MTOR: variants seen among roughly 807,000 people sequenced by gnomAD.
MTOR encodes the protein mechanistic target of rapamycin kinase.
A neutral mutation model predicts 319.8 loss-of-function variants in MTOR; 70 were observed. The observed-to-expected ratio is 0.22, with a 90% CI of 0.18 to 0.27. The LOEUF (loss-of-function observed/expected upper bound fraction) is 0.27. Among genes scored for constraint, MTOR ranks in the 10% least tolerant of loss-of-function variants. The pLI, the probability that MTOR is intolerant of heterozygous loss-of-function variation, is 1.00. For missense variants in MTOR, 1,890 were observed against 3,274.4 expected (o/e 0.58, Z 10.32); for synonymous variants, 1,183 against 1,211.4 (o/e 0.98, Z 0.49).
At chr1:11,159,522 T>C (rs949779484) in intron 29 of MTOR, among the ~76,000 whole-genome samples, 1 of 151,978 alleles carries the variant, frequency 6.6e-6, no homozygotes, top group Non-Finnish European at 1.5e-5. Flanking sequence ...ATGCCTGTAA[T>C]CCCAGCTTCT....
At chr1:11,166,600 G>A (rs555584923) in intron 29 of MTOR, among the ~76,000 whole-genome samples, 559 of 152,348 alleles carry the variant, frequency 3.7e-3, no homozygotes, top group African/African-American at 0.013. Context: ...AACAACAGGT[G>A]CTGGAGAGGA....
chr1:11,167,254 A>G (rs992023371), intron 29 of MTOR, among the ~76,000 whole-genome samples, 188 bp downstream of exon 29: 4 of 152,030 alleles, frequency 2.6e-5, no homozygotes, highest in Non-Finnish European at 5.9e-5. Flanking sequence ...TTAAAAAAAA[A>G]AAAGAAAGAA....
intron 6 of MTOR, among the ~76,000 whole-genome samples, chr1:11,248,391 A>G (rs995142583): frequency 1.4e-4 from 22 of 152,208 alleles, no homozygotes; most frequent in African/African-American, 5.3e-4. Flanking sequence ...GGAAGGGCTG[A>G]CTTGCATACT....
At chr1:11,251,261 C>G (rs1360582779) in intron 6 of MTOR, among the ~76,000 whole-genome samples, 1 of 152,178 alleles carries the variant, frequency 6.6e-6, no homozygotes, top group Non-Finnish European at 1.5e-5. Flanking sequence ...GCAGTATTTG[C>G]TGCTCCTCTA....
chr1:11,217,369 AAAT>A (rs1414520068), intron 19 of MTOR, among the ~76,000 whole-genome samples: 1 of 152,060 alleles, frequency 6.6e-6, no homozygotes, highest in African/African-American at 2.4e-5. Flanking sequence ...AATAAGTAGC[AAAT>A]AATATTTGAC....
chr1:11,159,106 C>T (rs1451590810), intron 29 of MTOR, among the ~76,000 whole-genome samples: 5 of 152,214 alleles, frequency 3.3e-5, no homozygotes, highest in Non-Finnish European at 7.3e-5. Context: ...TATAAACCAT[C>T]TGCTGGCAGA....
chr1:11,179,969 T>C (rs1315044667), intron 28 of MTOR, among the ~76,000 whole-genome samples: 2 of 152,158 alleles, frequency 1.3e-5, no homozygotes, highest in East Asian at 3.8e-4. Context: ...TGGAGTGCAG[T>C]GGTGCAATCA....
At chr1:11,229,759 T>C (rs1271674912) in intron 18 of MTOR, among the ~76,000 whole-genome samples, 1 of 152,128 alleles carries the variant, frequency 6.6e-6, no homozygotes, top group African/African-American at 2.4e-5. Flanking sequence ...TAGAAAACCC[T>C]CCTGCAACCC....
chr1:11,226,936 C>T (rs1646859455), intron 19 of MTOR, among the ~76,000 whole-genome samples: 1 of 143,460 alleles, frequency 7.0e-6, no homozygotes. Flanking sequence ...CCCCCGCCCC[C>T]GCCCACCAGA....
intron 28 of MTOR, among the ~76,000 whole-genome samples, chr1:11,171,607 T>C (rs897495784): frequency 1.3e-5 from 2 of 152,100 alleles, no homozygotes; most frequent in African/African-American, 2.4e-5. Flanking sequence ...AATTAGGAAG[T>C]AGTGATTAGG....
chr1:11,255,954 G>C (rs1482953284), intron 5 of MTOR, 38 bp downstream of exon 5: 1 of 1,590,582 alleles, frequency 6.3e-7, no homozygotes, highest in Non-Finnish European at 8.6e-7. Context: ...CTACGCAGAT[G>C]TGCTTTGCTA....
intron 25 of MTOR, among the ~76,000 whole-genome samples, chr1:11,207,409 C>CTTT (rs386366225): frequency 0.011 from 1,263 of 114,148 alleles, 82 homozygotes; most frequent in East Asian, 0.037. Flanking sequence ...CCCCCTACCT[C>CTTT]TTTTTTTTTT....
rs113498914 is a variant in MTOR, at chr1:11,236,712, T to A, written c.2208+1131A>T. Among the ~76,000 whole-genome samples the A allele has an allele frequency of 7.5e-3, 1,138 of 152,102 alleles. 11 individuals are homozygous for A. The highest frequency in any genetic ancestry group is 0.014 in the Middle Eastern group (4 of 294). On this transcript the variant is annotated intron_variant, in intron 13 of 57. Transcript: ENST00000361445. ...TTTTAGTAGAGATGGGGTTTCACCA[T>A]GTTGGCCAGGCTGGTCTTGAACTCC... is the stretch of plus-strand genomic sequence containing the variant.
chr1:11,160,063 TA>T (rs1349961030), intron 29 of MTOR, among the ~76,000 whole-genome samples: 30 of 128,712 alleles, frequency 2.3e-4, no homozygotes, highest in Non-Finnish European at 4.5e-4. Context: ...CAATGTCAGA[TA>T]TCAATTATAG....
chr1:11,120,612 AAAGTGCTGGGATTACAAGT>A, intron 49 of MTOR, among the ~76,000 whole-genome samples: 4 of 152,056 alleles, frequency 2.6e-5, no homozygotes, highest in Admixed American at 2.0e-4. Context: ...TTGGCCTCTC[AAAGTGCTGGGATTACAAGT>A]GTGAGCCACT....
intron 19 of MTOR, among the ~76,000 whole-genome samples, chr1:11,222,490 C>T (rs543108201): frequency 2.0e-5 from 3 of 152,110 alleles, no homozygotes. Context: ...GGCCACTGCG[C>T]CCAGCCTAAA....
At chr1:11,135,706 G>C (rs991816449) in intron 36 of MTOR, among the ~76,000 whole-genome samples, 2 of 151,658 alleles carry the variant, frequency 1.3e-5, no homozygotes, top group South Asian at 2.1e-4. Context: ...GGTGGGGCGC[G>C]CCTGTAATCC....
At chr1:11,113,148 A>T (rs1641983574) in intron 53 of MTOR, among the ~76,000 whole-genome samples, 1 of 152,222 alleles carries the variant, frequency 6.6e-6, no homozygotes, top group Non-Finnish European at 1.5e-5. Flanking sequence ...AATACAGATA[A>T]TATAAGGTCA....
At chr1:11,117,253 C>A (rs929325858) in intron 49 of MTOR, among the ~76,000 whole-genome samples, 167 bp from the exon 50 acceptor site, 8 of 152,180 alleles carry the variant, frequency 5.3e-5, no homozygotes, top group African/African-American at 1.9e-4. Flanking sequence ...CTCCACCTCC[C>A]GGGTTCAAGC....
Sources: allele counts gnomAD v4.1 joint callset (sites outside exome capture counted in the v4.1 genomes callset), GRCh38; gene constraint gnomAD v4.1.1; transcripts MANE v1.5; gene names NCBI Gene and HGNC (gene_info 2026-07-23, HGNC 2026-07-21).